The following VPS13A variants were observed in gnomAD, a reference collection of about 807,000 sequenced individuals.
VPS13A encodes the protein vacuolar protein sorting 13 homolog A.
Under a neutral mutation model 390.9 loss-of-function variants are expected in VPS13A, and 264 were observed. The observed-to-expected ratio is 0.68, with a 90% CI of 0.61 to 0.75. The LOEUF is 0.75. Ranked by LOEUF, VPS13A falls within the 30% of genes least tolerant of loss-of-function variation. The probability of loss-of-function intolerance (pLI) is 0.00; values close to 1 mark genes in which losing one functional copy is unlikely to be tolerated. For synonymous variants in VPS13A, 1,231 were observed against 1,227.1 expected (o/e 1.00, Z -0.07); for missense variants, 3,409 against 3,733.9 (o/e 0.91, Z 2.27).
Position 77,321,339 on chromosome 9 carries a change from A to C in VPS13A, c.5574+12A>C, listed in dbSNP as rs897058928. On this transcript the variant is annotated intron_variant, in intron 43 of 71. Transcript: ENST00000360280. ...ACAATTTAGTCAAGGTAAGAAAAGAAATTTGAAACTTTAAATATTGAGATA... is the reference window on the plus strand; with the variant it reads ...ACAATTTAGTCAAGGTAAGAAAAGACATTTGAAACTTTAAATATTGAGATA... 10 of 1,598,216 alleles carry C rather than the reference A, an allele frequency of 6.3e-6. No individual in the cohort carries two copies. The highest frequency in any genetic ancestry group is 3.4e-5 in the Admixed American group (2 of 59,270).
chr9:77,404,073 CTATTT>C (rs1163811086), intron 69 of VPS13A, among the ~76,000 whole-genome samples: 1 of 152,026 alleles, frequency 6.6e-6, no homozygotes. Context: ...ATGTATAGCC[CTATTT>C]TAATTTTCTT....
chr9:77,370,220 A>G (rs756419057), intron 63 of VPS13A, 37 bp from the exon 64 acceptor site: 1 of 1,598,166 alleles, frequency 6.3e-7, no homozygotes, highest in Non-Finnish European at 8.6e-7. Context: ...AGTGAATATA[A>G]CTCACTCACT....
At chr9:77,253,278 T>G (rs1167755817) in intron 22 of VPS13A, among the ~76,000 whole-genome samples, 2 of 152,200 alleles carry the variant, frequency 1.3e-5, no homozygotes, top group Non-Finnish European at 1.5e-5. Context: ...ATATTCAAGA[T>G]CTTTGCCCAT....
rs1273908319 is a variant in VPS13A, at chr9:77,314,647, C to T, written c.4395C>T (p.Val1465=). ...TTTTAGATGATAAAAGACCTCATGT[C>T]AAGAAAGCAACTCCTCGGTATGTAT... ...NCILDDKRPH[V]KKATPRMIGL... The change falls in exon 37 of 72, where the codon GTC becomes GTT. Residue 1465 remains valine (V), a synonymous_variant. Coordinates refer to ENST00000360280, the MANE Select transcript of VPS13A (RefSeq NM_033305.3). The T allele has an allele frequency of 6.2e-7, 1 of 1,612,030 alleles. No homozygotes were observed. Among genetic ancestry groups the T allele is most frequent in the Non-Finnish European group, 8.5e-7 (1 of 1,178,790 alleles).
At chr9:77,226,117 A>G (rs1337778702) in intron 14 of VPS13A, 129 bp downstream of exon 14, 1 of 794,168 alleles carries the variant, frequency 1.3e-6, no homozygotes, top group African/African-American at 1.8e-5. Flanking sequence ...TTTTAGTATT[A>G]TAAGAAAATT....
In VPS13A at chr9:77,316,275, G is replaced by A. The variant is rs1325495209; in HGVS notation, c.4732G>A (p.Val1578Ile). 6 of 1,613,156 alleles carry A rather than the reference G, an allele frequency of 3.7e-6. No individual in the cohort carries two copies. The South Asian group carries it at 5.5e-5, about 15-fold the overall frequency. The part of the protein sequence containing the change: ...DMTKNDAPAL[V>I]ITTQCEICYK... ...GACAAAAAATGATGCTCCTGCTTTA[G>A]TCATTACAACACAATGTGAAATTTG... Residue 1578 changes from valine to isoleucine, a missense_variant, in exon 39 of 72, where the codon GTC becomes ATC. Physicochemically the swap from Val to Ile is conservative, Grantham distance 29. Transcript: ENST00000360280.
chr9:77,390,233 AT>A, intron 68 of VPS13A: 4 of 562,232 alleles, frequency 7.1e-6, no homozygotes, highest in Non-Finnish European at 9.0e-6. Flanking sequence ...TCTGAATGGG[AT>A]GAGAACACTG....
intron 22 of VPS13A, among the ~76,000 whole-genome samples, chr9:77,255,943 C>T (rs1390946098): frequency 6.6e-6 from 1 of 151,910 alleles, no homozygotes; most frequent in Non-Finnish European, 1.5e-5. Flanking sequence ...GAAGAACCAA[C>T]TCACATTTTT....
At chr9:77,291,036 C>A (rs898702752) in intron 31 of VPS13A, among the ~76,000 whole-genome samples, 4 of 152,092 alleles carry the variant, frequency 2.6e-5, no homozygotes, top group African/African-American at 9.7e-5. Context: ...TAGCAGGAGT[C>A]CCCAACCCCC....
rs1159961524 is a variant in VPS13A, at chr9:77,407,752, ATGTAAC to A, written c.9474+146_9474+151del. On this transcript the variant is annotated intron_variant, in intron 71 of 71. Transcript: ENST00000360280. ...GTGTTTTGGCAGGTTTTAAAAGTAT[ATGTAAC>A]CAGATAATATTTACCCCAGACTTTT... 20 of 677,532 alleles carry A rather than the reference ATGTAAC, an allele frequency of 3.0e-5. No individual in the cohort carries two copies. In the Admixed American group the frequency reaches 5.3e-4, roughly 18 times the overall value. 42.0% of individuals were successfully genotyped at this position (677,532 alleles called of 1,614,324 possible).
intron 60 of VPS13A, among the ~76,000 whole-genome samples, chr9:77,366,299 A>T (rs1330705217): frequency 6.6e-6 from 1 of 152,112 alleles, no homozygotes; most frequent in African/African-American, 2.4e-5. Context: ...TTTGAATCAA[A>T]ATTCAAAGTA....
chr9:77,180,219 CTT>C (rs749310235), intron 1 of VPS13A, among the ~76,000 whole-genome samples: 8 of 152,122 alleles, frequency 5.3e-5, no homozygotes, highest in Non-Finnish European at 8.8e-5. Context: ...TTTAAATTCT[CTT>C]GGATATATAC....
At chr9:77,237,933 C>G in intron 17 of VPS13A, 69 bp from the exon 18 acceptor site, 1 of 1,233,756 alleles carries the variant, frequency 8.1e-7, no homozygotes, top group Admixed American at 1.9e-5. Context: ...TTTTTTAAAT[C>G]ATTTTCAATT....
chr9:77,212,881 G>T, intron 7 of VPS13A, 88 bp from the exon 8 acceptor site: 4 of 1,350,982 alleles, frequency 3.0e-6, no homozygotes, highest in Non-Finnish European at 3.2e-6. Flanking sequence ...AAGGGACATT[G>T]GTCTAGGGTA....
In VPS13A at chr9:77,368,090, C is replaced by A; in HGVS notation, c.8507C>A (p.Thr2836Lys). Residue 2836 changes from threonine (T) to lysine (K), a missense_variant, in exon 62 of 72, where the codon ACA becomes AAA. This residue lies in a region of VPS13A where 123 missense variants were observed against 118.7 expected (regional missense o/e 1.04). Transcript: ENST00000360280. The stretch of plus-strand genomic sequence containing the variant: ...TTTGAACTCAACTATCAGTTCCATA[C>A]AACATCCGATCTACAGTCTGAAGTC... ...AFFELNYQFH[T>K]TSDLQSEVIR... 2 of 1,612,418 alleles carry A rather than the reference C, an allele frequency of 1.2e-6. No homozygotes were observed. Among genetic ancestry groups the A allele is most frequent in the Non-Finnish European group, 1.7e-6 (2 of 1,179,482 alleles).
chr9:77,314,297 A>G (rs1440688323), intron 36 of VPS13A, among the ~76,000 whole-genome samples, 178 bp downstream of exon 36: 1 of 152,148 alleles, frequency 6.6e-6, no homozygotes, highest in Non-Finnish European at 1.5e-5. Context: ...TGAGTTATCT[A>G]TCATATAGCT....
chr9:77,213,128 G>T, intron 8 of VPS13A, 100 bp downstream of exon 8: 6 of 1,545,442 alleles, frequency 3.9e-6, no homozygotes, highest in Non-Finnish European at 5.4e-6. Context: ...TTGCTTATTT[G>T]TTTAACTCTG....
rs117692880 is a variant in VPS13A, at chr9:77,378,616, C to T, written c.9078-3360C>T. On this transcript the variant is annotated intron_variant, in intron 67 of 71. Transcript: ENST00000360280. ...TTTTTCTTGGTCAGTTTAGTGATGG[C>T]GTGTCATTTTTGTTGTCCTTTTCAA... Among the ~76,000 whole-genome samples the T allele has an allele frequency of 5.2e-3, 783 of 151,350 alleles. 3 individuals carry two copies. Among genetic ancestry groups the T allele is most frequent in the Non-Finnish European group, 9.5e-3 (645 of 67,784 alleles).
intron 3 of VPS13A, among the ~76,000 whole-genome samples, chr9:77,204,563 C>T (rs146080775): frequency 0.014 from 2,069 of 152,168 alleles, 27 homozygotes; most frequent in Non-Finnish European, 0.023. Flanking sequence ...TACATACATA[C>T]GTATGTAACA....
Sources: gnomAD v4.1 joint callset for allele counts (sites outside exome capture counted in the v4.1 genomes callset) on GRCh38, gnomAD v4.1.1 for gene constraint, gnomAD v4.1.1 regional missense constraint, MANE v1.5 for transcripts, NCBI Gene and HGNC (gene_info 2026-07-23, HGNC 2026-07-21) for gene names.